The following PTPRG variants were observed in gnomAD, a reference collection of about 807,000 sequenced individuals.
PTPRG encodes protein tyrosine phosphatase receptor type G.
In PTPRG, 102 loss-of-function variants were observed where a neutral mutation model predicts 165.3. The observed-to-expected ratio is 0.62, with a 90% CI of 0.53 to 0.73. PTPRG has a LOEUF of 0.73. Among genes scored for constraint, PTPRG ranks in the 30% least tolerant of loss-of-function variants. The probability of loss-of-function intolerance (pLI) is 0.00; values close to 1 mark genes in which losing one functional copy is unlikely to be tolerated. For missense variants in PTPRG, 1,866 were observed against 1,861.4 expected (o/e 1.00, Z -0.05); for synonymous variants, 675 against 669.5 (o/e 1.01, Z -0.13).
intron 1 of PTPRG, among the ~76,000 whole-genome samples, chr3:61,601,080 C>T (rs1170709302): frequency 1.3e-5 from 2 of 152,122 alleles, no homozygotes; most frequent in East Asian, 3.9e-4. Flanking sequence ...CATGACATAA[C>T]CCTGTCTCTA....
chr3:62,156,122 C>T (rs981175935), intron 6 of PTPRG, among the ~76,000 whole-genome samples: 1 of 152,244 alleles, frequency 6.6e-6, no homozygotes, highest in South Asian at 2.1e-4. Context: ...TTCTCTACGA[C>T]ACTATTCCTT....
intron 1 of PTPRG, among the ~76,000 whole-genome samples, chr3:61,721,733 C>G (rs1490340091): frequency 6.6e-6 from 1 of 152,046 alleles, no homozygotes; most frequent in Non-Finnish European, 1.5e-5. Flanking sequence ...TAAGCAAAAT[C>G]CATGTGTCAC....
At chr3:61,565,576 C>T (rs1257366118) in intron 1 of PTPRG, among the ~76,000 whole-genome samples, 1 of 151,792 alleles carries the variant, frequency 6.6e-6, no homozygotes, top group Non-Finnish European at 1.5e-5. Flanking sequence ...AGAGTGTTAA[C>T]CTTTTATCTA....
intron 4 of PTPRG, among the ~76,000 whole-genome samples, chr3:62,063,035 T>C (rs1700872489): frequency 6.6e-6 from 1 of 152,208 alleles, no homozygotes; most frequent in South Asian, 2.1e-4. Flanking sequence ...TCATCAAACT[T>C]TGTTTTAAGT....
rs11329820 is a variant in PTPRG at position 61,820,603 on chromosome 3, GTTTTTTTTTTTTTTTTTT to G, written c.190+71630_190+71647del. Among the ~76,000 whole-genome samples the G allele has an allele frequency of 2.2e-3, 143 of 65,732 alleles. 1 individual carries two copies. In the East Asian group the frequency reaches 0.059, roughly 27 times the overall value. 43.1% of individuals were successfully genotyped at this position (65,732 alleles called of 152,430 possible). On this transcript the variant is annotated intron_variant, in intron 2 of 29. Transcript: ENST00000474889. ...TTTAATTTCTTGTTCCTGTGTCTCT[GTTTTTTTTTTTTTTTTTT>G]TTTTTTTTACTGTGGCTTTAGGGAT...
intron 5 of PTPRG, among the ~76,000 whole-genome samples, chr3:62,079,256 C>A (rs558981423): frequency 1.2e-4 from 19 of 152,224 alleles, no homozygotes; most frequent in African/African-American, 4.6e-4. Flanking sequence ...TCTCCCTTTT[C>A]TCAAGGGAGA....
At chr3:61,646,724 G>A (rs1283857672) in intron 1 of PTPRG, among the ~76,000 whole-genome samples, 1 of 152,108 alleles carries the variant, frequency 6.6e-6, no homozygotes, top group African/African-American at 2.4e-5. Context: ...GTAGATTTGT[G>A]TGACCAGCAT....
chr3:61,595,756 C>G (rs1575526282), intron 1 of PTPRG, among the ~76,000 whole-genome samples: 1 of 152,154 alleles, frequency 6.6e-6, no homozygotes, highest in Admixed American at 6.5e-5. Context: ...GTAACTGATT[C>G]ATATAGTAGC....
chr3:61,925,283 C>T (rs868410983), intron 2 of PTPRG, among the ~76,000 whole-genome samples: 1 of 152,204 alleles, frequency 6.6e-6, no homozygotes, highest in Non-Finnish European at 1.5e-5. Flanking sequence ...TCTCTGTTGT[C>T]CTCTGTGTGT....
intron 1 of PTPRG, among the ~76,000 whole-genome samples, chr3:61,659,064 T>C (rs947217290): frequency 1.3e-5 from 2 of 151,698 alleles, no homozygotes; most frequent in Admixed American, 6.6e-5. Context: ...CCCCTGCCCC[T>C]GTTCCCCTTT....
intron 5 of PTPRG, among the ~76,000 whole-genome samples, chr3:62,102,833 A>G (rs1702338461): frequency 6.6e-6 from 1 of 152,126 alleles, no homozygotes; most frequent in South Asian, 2.1e-4. Flanking sequence ...CTGAAATCTA[A>G]AAGTTGCTCA....
At chr3:62,082,054 A>G (rs938506322) in intron 5 of PTPRG, among the ~76,000 whole-genome samples, 14 of 152,206 alleles carry the variant, frequency 9.2e-5, no homozygotes, top group Admixed American at 8.5e-4. Context: ...CTATACTCTG[A>G]CTTGGTGCTT....
At chr3:62,099,770 G>A (rs1576001952) in intron 5 of PTPRG, among the ~76,000 whole-genome samples, 1 of 143,854 alleles carries the variant, frequency 7.0e-6, no homozygotes, top group African/African-American at 2.5e-5. Context: ...GAGGTAAGTA[G>A]TCATAGTACT....
At chr3:61,742,619 A>G (rs962707489) in intron 1 of PTPRG, 8 of 1,603,718 alleles carry the variant, frequency 5.0e-6, no homozygotes, top group African/African-American at 4.0e-5. Flanking sequence ...ACAGCCAGAC[A>G]TAACACCTTC....
At chr3:62,061,932 C>G (rs1345207208) in intron 4 of PTPRG, among the ~76,000 whole-genome samples, 1 of 151,908 alleles carries the variant, frequency 6.6e-6, no homozygotes, top group African/African-American at 2.4e-5. Flanking sequence ...GCCCAGCTGC[C>G]TGGCTTTCTC....
At position 62,271,310 on chromosome 3, in the gene PTPRG, A is replaced by C. The variant is rs1056204194; in HGVS notation, c.3010-73A>C. The C allele has an allele frequency of 4.6e-6, 6 of 1,318,028 alleles. No homozygotes were observed. The highest frequency in any genetic ancestry group is 6.3e-6 in the Non-Finnish European group (6 of 946,012). 81.6% of individuals were successfully genotyped at this position (1,318,028 alleles called of 1,614,324 possible). The stretch of plus-strand genomic sequence containing the variant: ...ATGTGATCAGTGGTCATGTGTCCTG[A>C]CACCCTTACATTATTTTTTTCCAGA... On this transcript the variant is annotated intron_variant, in intron 20 of 29. Coordinates refer to ENST00000474889, the MANE Select transcript of PTPRG (RefSeq NM_002841.4). The surrounding 1 kb of genome is among the most constrained non-coding windows in gnomAD (Gnocchi z 4.1).
intron 2 of PTPRG, among the ~76,000 whole-genome samples, chr3:61,764,166 A>G (rs935164300): frequency 2.0e-5 from 3 of 152,196 alleles, no homozygotes; most frequent in African/African-American, 7.2e-5. Flanking sequence ...ACAAGCTTCT[A>G]AAATTCAGGT....
chr3:62,134,912 AAGG>A (rs1482958321), intron 6 of PTPRG, among the ~76,000 whole-genome samples: 2 of 152,204 alleles, frequency 1.3e-5, no homozygotes, highest in Admixed American at 1.3e-4. Context: ...TGAGAAGAAA[AAGG>A]AGTAGGAGTA....
intron 1 of PTPRG, among the ~76,000 whole-genome samples, chr3:61,568,698 AAG>A (rs1326844468): frequency 3.3e-5 from 5 of 152,034 alleles, no homozygotes; most frequent in Non-Finnish European, 7.4e-5. Flanking sequence ...ACATGAGGTC[AAG>A]AGATTGAGAC....
Sources: allele counts gnomAD v4.1 joint callset (sites outside exome capture counted in the v4.1 genomes callset), GRCh38; gene constraint gnomAD v4.1.1; non-coding constraint Gnocchi (gnomAD v3.1); transcripts MANE v1.5; gene names NCBI Gene and HGNC (gene_info 2026-07-23, HGNC 2026-07-21).